PCLO: variants seen among roughly 807,000 people sequenced by gnomAD.
The protein encoded by PCLO is protein piccolo.
In PCLO, 82 loss-of-function variants were observed where a neutral mutation model predicts 427.5. That is an observed-to-expected ratio of 0.19 (90% CI 0.16 to 0.23). The LOEUF (loss-of-function observed/expected upper bound fraction) is 0.23, where lower values mean the gene tolerates loss of function less well. Among genes scored for constraint, PCLO ranks in the 10% least tolerant of loss-of-function variants. PCLO has a pLI of 1.00. For synonymous variants in PCLO, 2,357 were observed against 2,155.4 expected, an observed-to-expected ratio of 1.09 and a Z score of -2.59; for missense variants, 6,239 against 6,115.9, an observed-to-expected ratio of 1.02 and a Z score of -0.67.
intron 9 of PCLO, among the ~76,000 whole-genome samples, chr7:82,887,830 G>T (rs117690004): frequency 6.6e-6 from 1 of 152,132 alleles, no homozygotes; most frequent in African/African-American, 2.4e-5. Flanking sequence ...AACACTTTGG[G>T]AGGCCAAGGC....
chr7:83,079,348 GAAATAA>G (rs1336288667), intron 3 of PCLO, among the ~76,000 whole-genome samples: 9 of 151,970 alleles, frequency 5.9e-5, no homozygotes, highest in African/African-American at 1.9e-4. Flanking sequence ...CGGGTCAACT[GAAATAA>G]AAATAGAAGT....
rs182302900 is a variant in PCLO, at chr7:82,873,239, G to A, written c.13654+6098C>T. ...TTTTTAATGAAAATTACAGGTCATC[G>A]CCTGGTTAAGTGTTAAATAGCATGC... On this transcript the variant is annotated intron_variant, in intron 10 of 24. Coordinates refer to ENST00000333891, the MANE Select transcript of PCLO (RefSeq NM_033026.6). 6.2e-4 allele frequency among the ~76,000 whole-genome samples: 81 copies of A among 131,566 alleles called. 1 individual carries two copies. In the East Asian group the frequency reaches 0.014, roughly 23 times the overall value. 86.3% of individuals were successfully genotyped at this position (131,566 alleles called of 152,430 possible).
At chr7:82,894,524 A>G (rs1163903109) in intron 9 of PCLO, 1 of 152,196 alleles carries the variant, frequency 6.6e-6, no homozygotes, top group African/African-American at 2.4e-5. Flanking sequence ...AGATCTCATG[A>G]GACTTATTCA....
intron 3 of PCLO, among the ~76,000 whole-genome samples, chr7:83,006,325 CAG>C (rs1014949395): frequency 6.6e-6 from 1 of 151,324 alleles, no homozygotes; most frequent in Non-Finnish European, 1.5e-5. Flanking sequence ...TATAAACAAA[CAG>C]AAAAAAATAC....
intron 3 of PCLO, among the ~76,000 whole-genome samples, chr7:83,019,650 G>A (rs866063701): frequency 1.3e-5 from 2 of 151,844 alleles, no homozygotes; most frequent in African/African-American, 2.4e-5. Context: ...AAGATACAAA[G>A]CTACTATTTA....
At chr7:83,031,118 A>G (rs752746650) in intron 3 of PCLO, among the ~76,000 whole-genome samples, 2 of 152,174 alleles carry the variant, frequency 1.3e-5, no homozygotes, top group Non-Finnish European at 2.9e-5. Flanking sequence ...TTAGTAAATT[A>G]GGGATAACAG....
intron 2 of PCLO, among the ~76,000 whole-genome samples, chr7:83,148,918 T>C (rs185292474): frequency 1.8e-3 from 271 of 152,308 alleles, no homozygotes; most frequent in African/African-American, 6.3e-3. Flanking sequence ...AGGGGGTCAG[T>C]ATCCAAGTAA....
chr7:83,011,016 C>T (rs1433882588), intron 3 of PCLO, among the ~76,000 whole-genome samples: 1 of 152,030 alleles, frequency 6.6e-6, no homozygotes, highest in African/African-American at 2.4e-5. Context: ...ATGAGAATCT[C>T]AGCACACACA....
At chr7:83,047,073 A>G (rs1789121862) in intron 3 of PCLO, among the ~76,000 whole-genome samples, 1 of 152,070 alleles carries the variant, frequency 6.6e-6, no homozygotes, top group South Asian at 2.1e-4. Context: ...AAAAGCCAAA[A>G]AAGGAAACAG....
At chr7:82,870,617 A>G (rs548063879) in intron 10 of PCLO, among the ~76,000 whole-genome samples, 1 of 152,224 alleles carries the variant, frequency 6.6e-6, no homozygotes. Flanking sequence ...AAGCTTCTGC[A>G]TGGCAAAGGA....
Position 82,955,262 on chromosome 7 carries a change from A to T in PCLO, c.5691T>A (p.Asp1897Glu), listed in dbSNP as rs1584215665. Residue 1897 changes from aspartate to glutamate, a missense_variant, in exon 5 of 25, where the codon GAT becomes GAA. Asp to Glu is a conservative substitution (Grantham distance 45, BLOSUM62 2). Coordinates refer to ENST00000333891, the MANE Select transcript of PCLO (RefSeq NM_033026.6). ...CTTCTTTCTGCATAATAGATTGCTC[A>T]TCTGTTGGTGAGTATAATGAAACAG... ...PTAVSLYSPTDEQSIMQKEGS... is the reference protein window; with the variant it reads ...PTAVSLYSPTEEQSIMQKEGS... 6 of 1,613,566 alleles carry T rather than the reference A, an allele frequency of 3.7e-6. No individual in the cohort carries two copies. Among genetic ancestry groups the T allele is most frequent in the African/African-American group, 1.3e-5 (1 of 74,882 alleles).
At chr7:82,772,266 T>A (rs1403843507) in intron 22 of PCLO, among the ~76,000 whole-genome samples, 1 of 152,186 alleles carries the variant, frequency 6.6e-6, no homozygotes, top group East Asian at 1.9e-4. Flanking sequence ...GCCACTAAGC[T>A]GAGGCCATTG....
intron 10 of PCLO, among the ~76,000 whole-genome samples, chr7:82,851,986 A>G (rs1296596943): frequency 6.6e-6 from 1 of 152,032 alleles, no homozygotes; most frequent in African/African-American, 2.4e-5. Context: ...ATTTTGATCT[A>G]TTTATATATT....
At chr7:82,772,555 A>T (rs1026597379) in intron 22 of PCLO, among the ~76,000 whole-genome samples, 2 of 152,134 alleles carry the variant, frequency 1.3e-5, no homozygotes, top group African/African-American at 4.8e-5. Flanking sequence ...ATTCAACGAG[A>T]TATTTTATAC....
Position 82,909,001 on chromosome 7 carries a change from C to T in PCLO, c.13313G>A (p.Arg4438His), listed in dbSNP as rs773610201. 7 of 1,612,420 alleles carry T rather than the reference C, an allele frequency of 4.3e-6. No individual in the cohort carries two copies. Among genetic ancestry groups the T allele is most frequent in the Non-Finnish European group, 5.9e-6 (7 of 1,179,098 alleles). ...AMSDSEAYHL[R>H]REETDWFDKP... ...ATCAAACCAATCTGTTTCCTCACGA[C>T]GCAGATGATAGGCTTTGGACACCAA... is the stretch of plus-strand genomic sequence containing the variant. Residue 4438 changes from arginine (R) to histidine (H), a missense_variant, in exon 8 of 25, where the codon CGT becomes CAT. Arg to His is a conservative substitution (Grantham distance 29). Coordinates refer to ENST00000333891, the MANE Select transcript of PCLO (RefSeq NM_033026.6).
intron 22 of PCLO, among the ~76,000 whole-genome samples, chr7:82,774,800 A>G (rs928121209): frequency 2.6e-5 from 4 of 152,174 alleles, no homozygotes; most frequent in African/African-American, 9.6e-5. Context: ...TTCTTGTTGT[A>G]CATTCCAGGG....
At chr7:82,930,749 C>T (rs1794821549) in intron 6 of PCLO, among the ~76,000 whole-genome samples, 1 of 152,102 alleles carries the variant, frequency 6.6e-6, no homozygotes, top group Non-Finnish European at 1.5e-5. Flanking sequence ...GTTATGTGCT[C>T]TTTATCTCAT....
rs143520608 is a variant in PCLO, at chr7:82,956,284, G to T, written c.4669C>A (p.Arg1557=). The change falls in exon 5 of 25, where the codon CGA becomes AGA. Residue 1557 remains arginine, a synonymous_variant. Coordinates refer to ENST00000333891, the MANE Select transcript of PCLO (RefSeq NM_033026.6). ...QGSGEEEDFI[R]KQIIEMSADE... The stretch of plus-strand genomic sequence containing the variant: ...GCACTCATTTCTATGATTTGTTTTC[G>T]AATGAAGTCCTCCTCTTCCCCTGAT... 9.7e-4 allele frequency: 1,571 copies of T among 1,612,342 alleles called. 22 individuals carry two copies. The East Asian group carries it at 0.026, about 27-fold the overall frequency.
At chr7:82,976,036 G>C (rs1334722234) in intron 3 of PCLO, among the ~76,000 whole-genome samples, 1 of 152,172 alleles carries the variant, frequency 6.6e-6, no homozygotes, top group East Asian at 1.9e-4. Context: ...GTCTAATACA[G>C]TTTATCACAG....
Sources: allele counts gnomAD v4.1 joint callset (sites outside exome capture counted in the v4.1 genomes callset), GRCh38; gene constraint gnomAD v4.1.1; transcripts MANE v1.5; gene names NCBI Gene and HGNC (gene_info 2026-07-23, HGNC 2026-07-21).